Variants in EMX1 observed in about 807,000 individuals in gnomAD.
EMX1 encodes the protein empty spiracles homeobox 1.
EMX1 carries 10 observed loss-of-function variants against 20.1 expected under a neutral mutation model. That is an observed-to-expected ratio of 0.50 (90% CI 0.31 to 0.84). The LOEUF is 0.84. EMX1 is among the 40% of genes least tolerant of loss of function. The pLI is 0.05. For synonymous variants in EMX1, 250 were observed against 200.4 expected (o/e 1.25, Z -2.09); for missense variants, 424 against 431.9 (o/e 0.98, Z 0.16).
intron 1 of EMX1, 179 bp from the exon 2 acceptor site, chr2:72,924,130 T>C (rs1475497237): frequency 9.4e-6 from 7 of 745,822 alleles, no homozygotes; most frequent in Non-Finnish European, 1.6e-5. Flanking sequence ...GGGAGTGGAC[T>C]TAGGGAAGGG....
intron 2 of EMX1, chr2:72,926,428 G>A (rs1439912568): frequency 4.0e-6 from 2 of 504,556 alleles, no homozygotes; most frequent in Middle Eastern, 1.0e-3. Flanking sequence ...CTTCCCGTCT[G>A]TAAATGAGCT....
chr2:72,920,840 G>A (rs1411845061), intron 1 of EMX1, among the ~76,000 whole-genome samples: 3 of 152,188 alleles, frequency 2.0e-5, no homozygotes, highest in Non-Finnish European at 4.4e-5. Flanking sequence ...CCGCATTTCG[G>A]TACTGTTTCC....
intron 2 of EMX1, among the ~76,000 whole-genome samples, chr2:72,925,113 G>A (rs1373205060): frequency 6.6e-6 from 1 of 152,184 alleles, no homozygotes; most frequent in Non-Finnish European, 1.5e-5. Flanking sequence ...CGGCTGATAG[G>A]GCTGTGGAAG....
Position 72,917,878 on chromosome 2 carries a change from G to A in EMX1, c.26G>A (p.Arg9His), listed in dbSNP as rs780711636. The A allele has an allele frequency of 1.2e-5, 17 of 1,477,646 alleles. No individual in the cohort carries two copies. The highest frequency in any genetic ancestry group is 1.5e-5 in the African/African-American group (1 of 68,342). The allele number at this position is 1,477,646 out of a possible 1,614,324, so 91.5% of individuals were successfully genotyped here. A position where few individuals can be genotyped will look rare whatever the true frequency, so the allele number is the denominator to read the frequency against. Residue 9 changes from arginine to histidine, a missense_variant, in exon 1 of 3, where the codon CGC becomes CAC. By Grantham distance (29) the Arg-to-His change is conservative (BLOSUM62 0). This residue lies in a region of EMX1 where 333 missense variants were observed against 296.6 expected (regional missense o/e 1.12). Transcript: ENST00000258106. Reference sequence around the variant, plus strand: ...ATGTGCCTGGCTGGGTGCACACCCCGCAAGGCGGCGGCGCCAGGACGCGGA... The same window carrying A: ...ATGTGCCTGGCTGGGTGCACACCCCACAAGGCGGCGGCGCCAGGACGCGGA... MCLAGCTP[R>H]KAAAPGRGAL... is the part of the protein sequence containing the mutation.
At chr2:72,919,601 C>T (rs1671065115) in intron 1 of EMX1, among the ~76,000 whole-genome samples, 1 of 152,196 alleles carries the variant, frequency 6.6e-6, no homozygotes, top group Non-Finnish European at 1.5e-5. Flanking sequence ...CTTTGACTTT[C>T]ACAGAAAACC....
At chr2:72,933,020 G>A (rs912408071) in intron 2 of EMX1, 1 of 152,270 alleles carries the variant, frequency 6.6e-6, no homozygotes, top group African/African-American at 2.4e-5. Flanking sequence ...CTCACTGGTG[G>A]ATTTCGGACT....
At chr2:72,922,182 T>G (rs1159767604) in intron 1 of EMX1, among the ~76,000 whole-genome samples, 1 of 152,270 alleles carries the variant, frequency 6.6e-6, no homozygotes, top group African/African-American at 2.4e-5. Flanking sequence ...CTGGTTCATT[T>G]GTCCAGAGGA....
intron 1 of EMX1, 123 bp downstream of exon 1, chr2:72,918,495 G>A: frequency 8.0e-7 from 1 of 1,256,364 alleles, no homozygotes. Flanking sequence ...GCAGGTCCGC[G>A]GAGGTAGATT....
At chr2:72,924,663 G>C (rs1016674204) in intron 2 of EMX1, among the ~76,000 whole-genome samples, 170 bp downstream of exon 2, 2 of 152,216 alleles carry the variant, frequency 1.3e-5, no homozygotes, top group Non-Finnish European at 2.9e-5. Context: ...CCTCTTCCTC[G>C]AGACTGCGTG....
rs1039299047 is a variant in EMX1 at position 72,918,391 on chromosome 2, C to A, written c.520+19C>A. 1 of 1,365,104 alleles carries A rather than the reference C, an allele frequency of 7.3e-7. No homozygotes were observed. Among genetic ancestry groups the A allele is most frequent in the Non-Finnish European group, 9.4e-7 (1 of 1,065,236 alleles). The allele number at this position is 1,365,104 out of a possible 1,614,324, so 84.6% of individuals were successfully genotyped here. A position where few individuals can be genotyped will look rare whatever the true frequency, so the allele number is the denominator to read the frequency against. On this transcript the variant is annotated intron_variant, in intron 1 of 2. Transcript: ENST00000258106. ...TTCCAGGGTGAGTGTCCACGCTGTG[C>A]CCGCCGAGGCGGCCGGCCGGCGCCC...
At chr2:72,917,492 T>C (rs1054828390), upstream of EMX1, 6 of 183,366 alleles carry the variant, frequency 3.3e-5, no homozygotes, top group Non-Finnish European at 6.7e-5. Flanking sequence ...CGGCGGCCAA[T>C]GGGCGAGCGC....
At chr2:72,931,571 A>G (rs1671286712) in intron 2 of EMX1, among the ~76,000 whole-genome samples, 2 of 152,034 alleles carry the variant, frequency 1.3e-5, no homozygotes, top group Non-Finnish European at 2.9e-5. Context: ...CTGCTGCCAA[A>G]TGGTTGTGCT....
At position 72,934,318 on chromosome 2, in the gene EMX1, A is replaced by C; in HGVS notation, c.*364A>C. On this transcript the variant is annotated 3_prime_UTR_variant, in exon 3 of 3. Coordinates refer to ENST00000258106, the MANE Select transcript of EMX1 (RefSeq NM_004097.3). ...GTGATCCCCAGTGTCCCCCTTCCCT[A>C]TGGGAATAATAAAAGTCTCTCTCTT... The C allele has an allele frequency of 2.7e-5, 5 of 188,462 alleles. No individual in the cohort carries two copies. The highest frequency in any genetic ancestry group is 1.4e-4 in the East Asian group (1 of 7,058). The allele number at this position is 188,462 out of a possible 1,614,324, so 11.7% of individuals were successfully genotyped here.
At chr2:72,926,866 C>T (rs1473744737) in intron 2 of EMX1, among the ~76,000 whole-genome samples, 3 of 152,152 alleles carry the variant, frequency 2.0e-5, no homozygotes, top group Admixed American at 6.5e-5. Context: ...CATAACTTAT[C>T]ATACGGAGCC....
chr2:72,921,607 G>A (rs1405712933), intron 1 of EMX1, among the ~76,000 whole-genome samples: 1 of 152,174 alleles, frequency 6.6e-6, no homozygotes, highest in Non-Finnish European at 1.5e-5. Context: ...ACAGGGAAAC[G>A]TCCTTATTCT....
chr2:72,924,322 C>G lies in EMX1; in HGVS notation c.534C>G (p.Pro178=). 6.4e-7 allele frequency: 1 copy of G among 1,570,558 alleles called. No individual in the cohort carries two copies. The highest frequency in any genetic ancestry group is 2.3e-5 in the East Asian group (1 of 43,564). The stretch of plus-strand genomic sequence containing the variant: ...GCGGGGCCGCAGCCAGCGACGTGCC[C>G]CAGGACGGGCTGCTTCTGCACGGCC... The part of the protein sequence containing the change: ...FGHRFQASDV[P]QDGLLLHGPF... Residue 178 remains proline, a synonymous_variant, in exon 2 of 3, where the codon CCC becomes CCG. Coordinates refer to ENST00000258106, the MANE Select transcript of EMX1 (RefSeq NM_004097.3).
At chr2:72,916,608 G>A (rs1573892519), upstream of EMX1, 1 of 666,230 alleles carries the variant, frequency 1.5e-6, no homozygotes, top group South Asian at 1.6e-5. Flanking sequence ...CGGTTCCGCG[G>A]TCGCGGGTGG....
chr2:72,917,803 C>T lies in EMX1; in HGVS notation c.-50C>T, dbSNP rs1670994765. 3.1e-6 allele frequency: 4 copies of T among 1,270,246 alleles called. No individual in the cohort carries two copies. Among genetic ancestry groups the T allele is most frequent in the South Asian group, 5.3e-5 (2 of 37,696 alleles). The allele number at this position is 1,270,246 out of a possible 1,614,324, so 78.7% of individuals were successfully genotyped here. On this transcript the variant is annotated 5_prime_UTR_variant, in exon 1 of 3. Coordinates refer to ENST00000258106, the MANE Select transcript of EMX1 (RefSeq NM_004097.3). ...TCCGCGCCTGGCTCGCCCGCGGGGG[C>T]CGAGCGCGAGCGGGCGGGCGGGGGA...
At position 72,917,874 on chromosome 2, in the gene EMX1, C is replaced by G; in HGVS notation, c.22C>G (p.Pro8Ala). The G allele has an allele frequency of 1.4e-6, 2 of 1,476,550 alleles. No homozygotes were observed. The highest frequency in any genetic ancestry group is 1.8e-6 in the Non-Finnish European group (2 of 1,121,164). 91.5% of individuals were successfully genotyped at this position (1,476,550 alleles called of 1,614,324 possible). ...GTGCATGTGCCTGGCTGGGTGCACA[C>G]CCCGCAAGGCGGCGGCGCCAGGACG... MCLAGCT[P>A]RKAAAPGRGA... The change falls in exon 1 of 3, where the codon CCC (proline) becomes GCC (alanine). Residue 8 changes from proline (P) to alanine (A), a missense_variant. Around this residue, in one of 2 missense-constraint regions of EMX1, gnomAD observed 333 missense variants for 296.6 expected, o/e 1.12. Coordinates refer to ENST00000258106, the MANE Select transcript of EMX1 (RefSeq NM_004097.3).
Sources: allele counts gnomAD v4.1 joint callset (sites outside exome capture counted in the v4.1 genomes callset), GRCh38; gene constraint gnomAD v4.1.1; regional missense constraint gnomAD v4.1.1; transcripts MANE v1.5; gene names NCBI Gene and HGNC (gene_info 2026-07-23, HGNC 2026-07-21).